The following DMD variants were observed in gnomAD, a reference collection of about 807,000 sequenced individuals.
DMD encodes the protein mutant dystrophin.
In DMD, 63 loss-of-function variants were observed where a neutral mutation model predicts 330.1. That is an observed-to-expected ratio of 0.19 (90% CI 0.16 to 0.24). The LOEUF is 0.24. Ranked by LOEUF, DMD falls within the 10% of genes least tolerant of loss-of-function variation. The probability of loss-of-function intolerance (pLI) is 1.00; values close to 1 mark genes in which losing one functional copy is unlikely to be tolerated. For synonymous variants in DMD, 1,223 were observed against 959.8 expected (o/e 1.27, Z -5.07); for missense variants, 3,344 against 2,684.1 (o/e 1.25, Z -5.43).
chrX:31,690,027 C>A (rs1160043167), intron 52 of DMD, among the ~76,000 whole-genome samples: 1 of 111,766 alleles, frequency 8.9e-6, no homozygotes, highest in East Asian at 2.8e-4. Flanking sequence ...TAGAAGAAAA[C>A]CTAGGCAATA....
chrX:31,162,735 TAA>T (rs1341107429), intron 74 of DMD, among the ~76,000 whole-genome samples: 1 of 111,680 alleles, frequency 9.0e-6, no homozygotes, highest in African/African-American at 3.3e-5. Context: ...ACAAGGCAGT[TAA>T]AAAGAGAGAT....
intron 28 of DMD, among the ~76,000 whole-genome samples, chrX:32,439,718 T>C (rs997511687): frequency 1.8e-5 from 2 of 111,227 alleles, no homozygotes; most frequent in African/African-American, 6.5e-5. Flanking sequence ...TGGATAAGCA[T>C]CAGCAACACT....
chrX:32,524,874 G>A (rs1478831072), intron 17 of DMD, among the ~76,000 whole-genome samples: 2 of 112,387 alleles, frequency 1.8e-5, no homozygotes, highest in Non-Finnish European at 3.8e-5. Context: ...GTTTTTTGAT[G>A]TACAGATTTT....
chrX:31,450,256 G>A (rs902652003), intron 59 of DMD, among the ~76,000 whole-genome samples: 2 of 111,696 alleles, frequency 1.8e-5, no homozygotes, highest in African/African-American at 6.5e-5. Context: ...CTTCCTCGTG[G>A]TTCAGGGAAG....
At chrX:32,845,057 C>T (rs2080536594) in intron 3 of DMD, among the ~76,000 whole-genome samples, 197 bp from the exon 4 acceptor site, 1 of 112,037 alleles carries the variant, frequency 8.9e-6, no homozygotes, top group Admixed American at 9.4e-5. Flanking sequence ...ACCAACCACT[C>T]TAAGAATGGC....
intron 7 of DMD, among the ~76,000 whole-genome samples, chrX:32,711,128 G>T (rs1391686334): frequency 1.8e-5 from 2 of 111,526 alleles, no homozygotes; most frequent in Non-Finnish European, 3.8e-5. Flanking sequence ...TGTTCCTTTT[G>T]TCCATTTGCA....
intron 6 of DMD, among the ~76,000 whole-genome samples, chrX:32,815,542 T>C (rs6653591): frequency 0.05 from 4,187 of 84,553 alleles, 281 homozygotes; most frequent in African/African-American, 0.18. Flanking sequence ...CACACATATA[T>C]ATACATATAT....
intron 2 of DMD, among the ~76,000 whole-genome samples, chrX:32,922,238 C>G (rs937910098): frequency 5.6e-5 from 6 of 106,903 alleles, no homozygotes; most frequent in Admixed American, 2.0e-4. Flanking sequence ...TATGAAAATT[C>G]TTATAATTTC....
chrX:33,249,924 T>C (rs149871598), intron 1 of DMD, among the ~76,000 whole-genome samples: 4,050 of 109,593 alleles, frequency 0.037, 217 homozygotes, highest in African/African-American at 0.13. Context: ...CTGACATTTT[T>C]ATTAAATTTA....
At chrX:32,601,199 G>A (rs2525061) in intron 12 of DMD, among the ~76,000 whole-genome samples, 41,756 of 110,188 alleles carry the variant, frequency 0.38, 5,654 homozygotes, top group South Asian at 0.62. Flanking sequence ...AGCCTGGCTG[G>A]TCACAGTATT....
intron 2 of DMD, among the ~76,000 whole-genome samples, chrX:32,878,004 G>A (rs770418395): frequency 1.8e-5 from 2 of 111,870 alleles, no homozygotes; most frequent in Non-Finnish European, 3.8e-5. Flanking sequence ...CTCTCCACAT[G>A]GGCTTTACCA....
Position 32,885,835 on chromosome X carries a change from A to G in DMD, c.94-36015T>C, listed in dbSNP as rs1404161793. 6.5e-5 allele frequency among the ~76,000 whole-genome samples: 7 copies of G among 107,929 alleles called. No homozygotes were observed. In the East Asian group the frequency reaches 1.7e-3, roughly 27 times the overall value. 93.7% of individuals were successfully genotyped at this position (107,929 alleles called of 115,157 possible). A position where few individuals can be genotyped will look rare whatever the true frequency, so the allele number is the denominator to read the frequency against. ...TTGTTTCCCTTGAGGGGGAAAAAAA[A>G]AAAAAAAAAAAAAACCTTTCCTTTC... On this transcript the variant is annotated intron_variant, in intron 2 of 78. Coordinates refer to ENST00000357033, the MANE Select transcript of DMD (RefSeq NM_004006.3).
At chrX:32,292,045 C>G (rs921157363) in intron 42 of DMD, among the ~76,000 whole-genome samples, 1 of 110,596 alleles carries the variant, frequency 9.0e-6, no homozygotes, top group African/African-American at 3.3e-5. Flanking sequence ...TGGTTTATAG[C>G]CCAGAGCAAA....
intron 44 of DMD, among the ~76,000 whole-genome samples, chrX:32,045,883 A>G (rs1299318444): frequency 8.9e-6 from 1 of 112,682 alleles, no homozygotes; most frequent in East Asian, 2.8e-4. Flanking sequence ...AATCCCACAG[A>G]GGTGATAAAA....
At chrX:32,595,711 G>C (rs778062276) in intron 13 of DMD, 46 bp downstream of exon 13, 8 of 1,167,098 alleles carry the variant, frequency 6.9e-6, no homozygotes, top group Middle Eastern at 2.4e-4. Flanking sequence ...TCAAGTTATA[G>C]TTCTTTTAAA....
intron 60 of DMD, among the ~76,000 whole-genome samples, chrX:31,436,271 A>G (rs2064524340): frequency 8.9e-6 from 1 of 112,295 alleles, no homozygotes; most frequent in Non-Finnish European, 1.9e-5. Flanking sequence ...CAAGTAGCCT[A>G]ATTAATACTT....
chrX:31,341,889 GCGCACA>G (rs2057776601), intron 61 of DMD, among the ~76,000 whole-genome samples: 1 of 65,086 alleles, frequency 1.5e-5, no homozygotes, highest in East Asian at 4.9e-4. Context: ...GCGTGCGCGC[GCGCACA>G]CACACACACA....
At chrX:32,310,366 T>C in intron 41 of DMD, 90 bp from the exon 42 acceptor site, 1 of 743,785 alleles carries the variant, frequency 1.3e-6, no homozygotes. Context: ...ATTCTACAGC[T>C]GACAATTGAA....
chrX:31,676,935 C>T lies in DMD; in HGVS notation c.7872+2440G>A, dbSNP rs1199948516. On this transcript the variant is annotated intron_variant, in intron 53 of 78. Coordinates refer to ENST00000357033, the MANE Select transcript of DMD (RefSeq NM_004006.3). The stretch of plus-strand genomic sequence containing the variant: ...CAGCTTTGGCCATCTTTATCTGTAT[C>T]GGGAACTTACATTGAATCTGCAGCA... Among the ~76,000 whole-genome samples the T allele has an allele frequency of 2.9e-4, 32 of 111,522 alleles. No homozygotes were observed. In the Admixed American group the frequency reaches 3.0e-3, roughly 10 times the overall value.
Sources: allele counts gnomAD v4.1 joint callset (sites outside exome capture counted in the v4.1 genomes callset), GRCh38; gene constraint gnomAD v4.1.1; transcripts MANE v1.5; gene names NCBI Gene and HGNC (gene_info 2026-07-23, HGNC 2026-07-21).